Variants in CYP3A7 observed in about 807,000 individuals in gnomAD.
CYP3A7 encodes cytochrome P450 family 3 subfamily A member 7, also known as cytochrome P450 3A7.
CYP3A7 carries 45 observed loss-of-function variants against 55.2 expected under a neutral mutation model. The ratio of observed to expected loss-of-function variants is 0.82; its 90% CI spans 0.64 to 1.05. CYP3A7 has a LOEUF of 1.05. CYP3A7 is among the 50% of genes least tolerant of loss of function. The pLI, the probability that CYP3A7 is intolerant of heterozygous loss-of-function variation, is 0.00. For synonymous variants in CYP3A7, 180 were observed against 207.4 expected (o/e 0.87, Z 1.13); for missense variants, 548 against 605.3 (o/e 0.91, Z 0.99).
chr7:99,725,601 C>T (rs1415977369), intron 2 of CYP3A7, among the ~76,000 whole-genome samples: 1 of 152,220 alleles, frequency 6.6e-6, no homozygotes, highest in Non-Finnish European at 1.5e-5. Context: ...CCTCCTAAGC[C>T]GTGCCCTGTC....
At chr7:99,732,680 A>G (rs774063119) in intron 1 of CYP3A7, among the ~76,000 whole-genome samples, 1 of 152,188 alleles carries the variant, frequency 6.6e-6, no homozygotes, top group Non-Finnish European at 1.5e-5. Flanking sequence ...TGGAAGAGGT[A>G]GCCAGCCATC....
intron 1 of CYP3A7, among the ~76,000 whole-genome samples, 190 bp downstream of exon 1, chr7:99,734,833 G>T (rs55817676): frequency 0.018 from 2,694 of 152,078 alleles, 72 homozygotes; most frequent in African/African-American, 0.06. Context: ...TATTAGCCAG[G>T]CTGGTCTTGA....
In CYP3A7 at chr7:99,724,803, G is replaced by A. The variant is rs542918615; in HGVS notation, c.166-2455C>T. Reference sequence around the variant, plus strand: ...ATCGACCTCTCCCAGATCAGTCAGCGTTTAGGCTCTTTTTCATCAGACCCC... The same window carrying A: ...ATCGACCTCTCCCAGATCAGTCAGCATTTAGGCTCTTTTTCATCAGACCCC... On this transcript the variant is annotated intron_variant, in intron 2 of 12. Coordinates refer to ENST00000336374, the MANE Select transcript of CYP3A7 (RefSeq NM_000765.5). Among the ~76,000 whole-genome samples the A allele has an allele frequency of 1.6e-4, 25 of 152,262 alleles. No individual in the cohort carries two copies. In the South Asian group the frequency reaches 1.9e-3, roughly 11 times the overall value.
intron 2 of CYP3A7, among the ~76,000 whole-genome samples, chr7:99,727,731 A>G (rs1188371943): frequency 2.0e-5 from 3 of 152,032 alleles, no homozygotes; most frequent in Admixed American, 6.6e-5. Context: ...CCCCTCCACT[A>G]TCTCTCAGCA....
At chr7:99,732,364 T>C (rs1415017142) in intron 1 of CYP3A7, among the ~76,000 whole-genome samples, 1 of 152,162 alleles carries the variant, frequency 6.6e-6, no homozygotes, top group East Asian at 1.9e-4. Context: ...TTAAATCTCT[T>C]TCCTTTCTAA....
chr7:99,721,217 G>T (rs1814188203), intron 3 of CYP3A7, among the ~76,000 whole-genome samples: 1 of 152,146 alleles, frequency 6.6e-6, no homozygotes, highest in Admixed American at 6.5e-5. Context: ...TATAGACAAA[G>T]ATGTATTTAT....
chr7:99,712,760 A>G (rs1031893759), intron 9 of CYP3A7, among the ~76,000 whole-genome samples: 2 of 152,200 alleles, frequency 1.3e-5, no homozygotes, highest in African/African-American at 4.8e-5. Context: ...TTAAATATTC[A>G]GGAATTTTGT....
intron 2 of CYP3A7, among the ~76,000 whole-genome samples, chr7:99,723,237 T>C (rs1341229816): frequency 6.6e-6 from 1 of 152,160 alleles, no homozygotes; most frequent in Non-Finnish European, 1.5e-5. Context: ...AGCCAGCTCC[T>C]GTCTTAACTG....
chr7:99,711,551 C>T (rs1428603478), intron 9 of CYP3A7, among the ~76,000 whole-genome samples: 1 of 152,072 alleles, frequency 6.6e-6, no homozygotes, highest in Non-Finnish European at 1.5e-5. Flanking sequence ...GGTGGATCAC[C>T]CGAGGTCAGG....
chr7:99,734,514 C>T (rs1048329158), intron 1 of CYP3A7, among the ~76,000 whole-genome samples: 10 of 152,100 alleles, frequency 6.6e-5, no homozygotes, highest in African/African-American at 2.4e-4. Context: ...GGGGGAGATG[C>T]TTATTTATTC....
intron 1 of CYP3A7, among the ~76,000 whole-genome samples, chr7:99,731,895 C>T (rs1325614823): frequency 6.6e-6 from 1 of 152,192 alleles, no homozygotes; most frequent in Non-Finnish European, 1.5e-5. Flanking sequence ...GGATGATTGA[C>T]TCATATTTTC....
intron 7 of CYP3A7, 47 bp downstream of exon 7, chr7:99,715,711 T>C: frequency 6.8e-6 from 11 of 1,613,000 alleles, no homozygotes; most frequent in Non-Finnish European, 9.3e-6. Context: ...AATAAAGCAG[T>C]TATTTTTAAG....
At chr7:99,723,210 C>T (rs781368038) in intron 2 of CYP3A7, among the ~76,000 whole-genome samples, 3 of 152,150 alleles carry the variant, frequency 2.0e-5, no homozygotes, top group Non-Finnish European at 4.4e-5. Flanking sequence ...CAACCAAAAA[C>T]TACAAATAGG....
At chr7:99,725,933 A>T (rs1814393793) in intron 2 of CYP3A7, among the ~76,000 whole-genome samples, 1 of 152,108 alleles carries the variant, frequency 6.6e-6, no homozygotes, top group Admixed American at 6.5e-5. Context: ...CCAGGTTTCT[A>T]AACCTCTTAA....
chr7:99,720,602 C>T (rs548158252), intron 3 of CYP3A7, 190 bp from the exon 4 acceptor site: 2 of 582,576 alleles, frequency 3.4e-6, no homozygotes, highest in East Asian at 6.3e-5. Context: ...TCCAAGTCTT[C>T]ATACGATGAA....
At chr7:99,724,693 G>T (rs1814339401) in intron 2 of CYP3A7, among the ~76,000 whole-genome samples, 1 of 151,928 alleles carries the variant, frequency 6.6e-6, no homozygotes, top group African/African-American at 2.4e-5. Context: ...TCCGAGACTA[G>T]CCCTCCTCCA....
intron 9 of CYP3A7, among the ~76,000 whole-genome samples, chr7:99,711,652 C>A (rs1012158213): frequency 3.3e-5 from 5 of 152,168 alleles, no homozygotes; most frequent in African/African-American, 1.2e-4. Flanking sequence ...CCTGTAATCC[C>A]AGCTACTTGG....
At chr7:99,720,116 G>A (rs1019753467) in intron 4 of CYP3A7, among the ~76,000 whole-genome samples, 197 bp downstream of exon 4, 1 of 152,158 alleles carries the variant, frequency 6.6e-6, no homozygotes, top group Non-Finnish European at 1.5e-5. Flanking sequence ...TTAATTTCCT[G>A]TACTGCAGTA....
intron 2 of CYP3A7, among the ~76,000 whole-genome samples, chr7:99,725,920 C>T (rs1043703093): frequency 2.0e-5 from 3 of 152,142 alleles, no homozygotes; most frequent in Admixed American, 1.3e-4. Flanking sequence ...TGGGTATTGA[C>T]GGCCAGGTTT....
Sources: gnomAD v4.1 joint callset for allele counts (sites outside exome capture counted in the v4.1 genomes callset) on GRCh38, gnomAD v4.1.1 for gene constraint, MANE v1.5 for transcripts, NCBI Gene and HGNC (gene_info 2026-07-23, HGNC 2026-07-21) for gene names.